The following SUCLG2 variants were observed in gnomAD, a reference collection of about 807,000 sequenced individuals.
SUCLG2 encodes succinate-CoA ligase GDP-forming subunit beta.
In SUCLG2, 42 loss-of-function variants were observed where a neutral mutation model predicts 47.9. The observed-to-expected ratio is 0.88, with a 90% CI of 0.69 to 1.14. The LOEUF is 1.14. Among genes scored for constraint, SUCLG2 ranks in the 50% most tolerant of loss-of-function variants. The probability of loss-of-function intolerance (pLI) is 0.00; values close to 1 mark genes in which losing one functional copy is unlikely to be tolerated. For synonymous variants in SUCLG2, 195 were observed against 197.3 expected (o/e 0.99, Z 0.10); for missense variants, 571 against 525.9 (o/e 1.09, Z -0.84).
At chr3:67,551,461 G>C (rs1392671572) in intron 2 of SUCLG2, among the ~76,000 whole-genome samples, 1 of 152,146 alleles carries the variant, frequency 6.6e-6, no homozygotes, top group Non-Finnish European at 1.5e-5. Context: ...CACATTTTCT[G>C]GCAGAGAACA....
At chr3:67,609,980 T>A (rs147697373) in intron 1 of SUCLG2, among the ~76,000 whole-genome samples, 1 of 152,326 alleles carries the variant, frequency 6.6e-6, no homozygotes, top group Middle Eastern at 3.4e-3. Flanking sequence ...GCAACTTCCT[T>A]TGAGTCTACA....
chr3:67,404,939 T>G (rs922517640), intron 9 of SUCLG2, among the ~76,000 whole-genome samples: 15 of 151,902 alleles, frequency 9.9e-5, no homozygotes, highest in Admixed American at 7.2e-4. Flanking sequence ...AACTTTTAAT[T>G]ATCTTCCCCC....
At chr3:67,446,823 A>G (rs537119893) in intron 9 of SUCLG2, among the ~76,000 whole-genome samples, 27 of 152,232 alleles carry the variant, frequency 1.8e-4, no homozygotes, top group Non-Finnish European at 3.4e-4. Flanking sequence ...ATATATAACT[A>G]CACACTTTAT....
At chr3:67,592,562 C>T (rs907033109) in intron 2 of SUCLG2, among the ~76,000 whole-genome samples, 3 of 151,966 alleles carry the variant, frequency 2.0e-5, no homozygotes, top group Non-Finnish European at 4.4e-5. Context: ...GTGGCATTCC[C>T]CACATATGAA....
chr3:67,603,934 T>C (rs923616046), intron 2 of SUCLG2, among the ~76,000 whole-genome samples: 1 of 152,204 alleles, frequency 6.6e-6, no homozygotes, highest in Non-Finnish European at 1.5e-5. Flanking sequence ...AAAAAGTATG[T>C]ACTTATAAGC....
At chr3:67,530,653 A>G (rs905691640) in intron 2 of SUCLG2, among the ~76,000 whole-genome samples, 17 of 152,226 alleles carry the variant, frequency 1.1e-4, no homozygotes, top group African/African-American at 4.1e-4. Flanking sequence ...TTCATTGGTT[A>G]GTCTTCTTGT....
chr3:67,434,098 G>A (rs753383320), intron 9 of SUCLG2, among the ~76,000 whole-genome samples: 1 of 152,196 alleles, frequency 6.6e-6, no homozygotes, highest in Non-Finnish European at 1.5e-5. Context: ...TAAAGTACGA[G>A]TAACTGCTAC....
chr3:67,524,641 A>T (rs1480278046), intron 4 of SUCLG2, among the ~76,000 whole-genome samples: 1 of 152,168 alleles, frequency 6.6e-6, no homozygotes, highest in African/African-American at 2.4e-5. Flanking sequence ...AGGTTCTATA[A>T]TCTGGGGACT....
chr3:67,519,236 G>A (rs141163029), intron 5 of SUCLG2, among the ~76,000 whole-genome samples: 1 of 152,286 alleles, frequency 6.6e-6, no homozygotes, highest in Non-Finnish European at 1.5e-5. Flanking sequence ...GGTGTGGTGT[G>A]TAAGTGTGCT....
chr3:67,466,383 C>T (rs965114110), intron 9 of SUCLG2, among the ~76,000 whole-genome samples: 7 of 152,174 alleles, frequency 4.6e-5, no homozygotes, highest in African/African-American at 1.7e-4. Flanking sequence ...CATATTTTTA[C>T]ATCCATTTAA....
chr3:67,390,074 C>CT (rs1702347199), intron 10 of SUCLG2, among the ~76,000 whole-genome samples: 1 of 152,194 alleles, frequency 6.6e-6, no homozygotes, highest in Admixed American at 6.5e-5. Context: ...TAAGTACTTT[C>CT]TAAGTTTCAG....
chr3:67,577,230 C>A (rs560115361), intron 2 of SUCLG2, among the ~76,000 whole-genome samples: 1 of 152,176 alleles, frequency 6.6e-6, no homozygotes, highest in South Asian at 2.1e-4. Flanking sequence ...AAAGCTTGAA[C>A]CCAGGAGTTG....
chr3:67,617,965 G>A (rs1700660076), intron 1 of SUCLG2, among the ~76,000 whole-genome samples: 4 of 152,132 alleles, frequency 2.6e-5, no homozygotes, highest in Admixed American at 2.6e-4. Flanking sequence ...TTTTAATAGT[G>A]CCCACTGAGC....
chr3:67,416,492 G>A (rs557773150), intron 9 of SUCLG2, among the ~76,000 whole-genome samples: 1 of 152,160 alleles, frequency 6.6e-6, no homozygotes, highest in Non-Finnish European at 1.5e-5. Context: ...GAAAATGCTA[G>A]CTTTTTTTTC....
rs559519700 is a variant in SUCLG2 at position 67,396,033 on chromosome 3, G to C, written c.1183+4698C>G. 2.2e-3 allele frequency among the ~76,000 whole-genome samples: 334 copies of C among 151,854 alleles called. 2 individuals are homozygous for C. The Middle Eastern group carries it at 0.038, about 17-fold the overall frequency. ...ACACATTCAAAGCAGTGTGTAGAGG[G>C]AAATTTATAGCACTAAATGCCCACA... On this transcript the variant is annotated intron_variant, in intron 10 of 10. Coordinates refer to ENST00000307227, the MANE Select transcript of SUCLG2 (RefSeq NM_003848.4).
chr3:67,394,518 T>C (rs1477217382), intron 10 of SUCLG2, among the ~76,000 whole-genome samples: 1 of 150,466 alleles, frequency 6.6e-6, no homozygotes, highest in African/African-American at 2.5e-5. Flanking sequence ...AATATGGGAC[T>C]ATGTGAAAAG....
At chr3:67,470,064 ATGT>A (rs1395217649) in intron 9 of SUCLG2, among the ~76,000 whole-genome samples, 3 of 149,980 alleles carry the variant, frequency 2.0e-5, no homozygotes, top group Non-Finnish European at 3.0e-5. Flanking sequence ...AAAAAAAAAA[ATGT>A]TGTCCAAGGA....
intron 9 of SUCLG2, among the ~76,000 whole-genome samples, chr3:67,469,927 C>T (rs1704563340): frequency 6.6e-6 from 1 of 151,794 alleles, no homozygotes; most frequent in Non-Finnish European, 1.5e-5. Context: ...TGCCTGTAAT[C>T]CCAGCTACTC....
In SUCLG2 at chr3:67,478,500, A is replaced by T. The variant is rs374462925; in HGVS notation, c.1062+17298T>A. Among the ~76,000 whole-genome samples, 24 of 152,332 alleles carry T rather than the reference A, an allele frequency of 1.6e-4. No homozygotes were observed. The South Asian group carries it at 4.6e-3, about 29-fold the overall frequency. On this transcript the variant is annotated intron_variant, in intron 9 of 10. Transcript: ENST00000307227. ...TGAATATTAAACAAACAAATGAAAA[A>T]TCCTAAAAATGGAAAACTAATATGC... is the stretch of plus-strand genomic sequence containing the variant.
Sources: allele counts gnomAD v4.1 joint callset (sites outside exome capture counted in the v4.1 genomes callset), GRCh38; gene constraint gnomAD v4.1.1; transcripts MANE v1.5; gene names NCBI Gene and HGNC (gene_info 2026-07-23, HGNC 2026-07-21).